FAM13A: variants seen among roughly 807,000 people sequenced by gnomAD.
FAM13A encodes protein FAM13A.
FAM13A carries 76 observed loss-of-function variants against 129.6 expected under a neutral mutation model. That is an observed-to-expected ratio of 0.59 (90% CI 0.49 to 0.71). FAM13A has a LOEUF of 0.71. Ranked by LOEUF, FAM13A falls within the 30% of genes least tolerant of loss-of-function variation. The pLI, the probability that FAM13A is intolerant of heterozygous loss-of-function variation, is 0.00. For missense variants in FAM13A, 1,108 were observed against 1,249.3 expected (o/e 0.89, Z 1.70); for synonymous variants, 443 against 449.9 (o/e 0.98, Z 0.20).
In FAM13A at chr4:88,728,401, C is replaced by A; in HGVS notation, c.*132G>T. ...AGGCAATGGAAACAGGAGCCGATGC[C>A]AAATGGTCTAGAGGCAGAAGGGCTG... On this transcript the variant is annotated 3_prime_UTR_variant, in exon 24 of 24. Transcript: ENST00000264344. The A allele has an allele frequency of 1.9e-6, 2 of 1,074,752 alleles. No individual in the cohort carries two copies. Among genetic ancestry groups the A allele is most frequent in the Admixed American group, 2.3e-5 (1 of 43,244 alleles). 66.6% of individuals were successfully genotyped at this position (1,074,752 alleles called of 1,614,324 possible).
At chr4:88,737,055 C>G (rs1739136276) in intron 21 of FAM13A, among the ~76,000 whole-genome samples, 1 of 152,016 alleles carries the variant, frequency 6.6e-6, no homozygotes, top group Non-Finnish European at 1.5e-5. Context: ...TTTCTATAAA[C>G]AGTATATGAG....
chr4:88,991,924 C>T (rs573386722), intron 3 of FAM13A, among the ~76,000 whole-genome samples: 1 of 152,204 alleles, frequency 6.6e-6, no homozygotes, highest in East Asian at 1.9e-4. Context: ...TATCTGATAA[C>T]CCTCCATATC....
intron 5 of FAM13A, among the ~76,000 whole-genome samples, chr4:88,930,196 T>C (rs1359087982): frequency 1.3e-5 from 2 of 152,184 alleles, no homozygotes; most frequent in Non-Finnish European, 2.9e-5. Context: ...AGGAATTTTG[T>C]TTTGATGGGG....
intron 1 of FAM13A, among the ~76,000 whole-genome samples, 158 bp downstream of exon 1, chr4:89,056,780 T>C (rs993387904): frequency 4.6e-5 from 7 of 152,192 alleles, no homozygotes; most frequent in Non-Finnish European, 7.3e-5. Context: ...TCCTGCCTAA[T>C]ACCCATTTAA....
Position 88,728,819 on chromosome 4 carries a change from T to A in FAM13A, c.2946-160A>T. On this transcript the variant is annotated intron_variant, in intron 23 of 23. Coordinates refer to ENST00000264344, the MANE Select transcript of FAM13A (RefSeq NM_014883.4). ...TTGGTCTCAAGACTGGGGCTGGATTTAGACAAGTAATGAAAATGTTTCACC... is the reference window on the plus strand; with the variant it reads ...TTGGTCTCAAGACTGGGGCTGGATTAAGACAAGTAATGAAAATGTTTCACC... The A allele has an allele frequency of 8.6e-6, 6 of 697,772 alleles. No homozygotes were observed. In the South Asian group the frequency reaches 1.0e-4, roughly 12 times the overall value. The allele number at this position is 697,772 out of a possible 1,614,324, so 43.2% of individuals were successfully genotyped here.
Position 88,881,471 on chromosome 4 carries a change from A to G in FAM13A, c.843+24908T>C, listed in dbSNP as rs373562898. ...AACACCCCATGGGAAAAAAGCATAT[A>G]AACAGCTGACCTTGAGCTCCAGATC... On this transcript the variant is annotated intron_variant, in intron 6 of 23. Coordinates refer to ENST00000264344, the MANE Select transcript of FAM13A (RefSeq NM_014883.4). 5.3e-5 allele frequency among the ~76,000 whole-genome samples: 8 copies of G among 152,268 alleles called. No individual in the cohort carries two copies. In the East Asian group the frequency reaches 1.2e-3, roughly 22 times the overall value.
chr4:88,870,498 G>C (rs150561231), intron 6 of FAM13A, among the ~76,000 whole-genome samples: 10 of 152,312 alleles, frequency 6.6e-5, no homozygotes, highest in Non-Finnish European at 1.5e-4. Flanking sequence ...GCCTGGCTTG[G>C]GGGGGGTCCC....
chr4:88,896,084 G>A (rs1283307923), intron 6 of FAM13A, among the ~76,000 whole-genome samples: 1 of 150,870 alleles, frequency 6.6e-6, no homozygotes, highest in Non-Finnish European at 1.5e-5. Context: ...GGAATACTAT[G>A]CAGCCATAAA....
At chr4:88,873,572 C>T (rs1460309338) in intron 6 of FAM13A, among the ~76,000 whole-genome samples, 6 of 152,130 alleles carry the variant, frequency 3.9e-5, no homozygotes, top group South Asian at 2.1e-4. Flanking sequence ...ACACATACAG[C>T]CTCCCAAGAC....
intron 14 of FAM13A, 40 bp downstream of exon 14, chr4:88,758,714 T>A: frequency 1.9e-6 from 3 of 1,589,224 alleles, no homozygotes. Context: ...TTATATATGC[T>A]TTAATGATAG....
At chr4:88,768,581 C>CAT (rs987738681) in intron 11 of FAM13A, among the ~76,000 whole-genome samples, 2 of 151,874 alleles carry the variant, frequency 1.3e-5, no homozygotes, top group Non-Finnish European at 2.9e-5. Context: ...TATGTATATA[C>CAT]ATATATATGC....
chr4:88,979,949 T>C (rs1438313211), intron 4 of FAM13A, among the ~76,000 whole-genome samples: 1 of 152,100 alleles, frequency 6.6e-6, no homozygotes, highest in Non-Finnish European at 1.5e-5. Context: ...CCAGCCTGGG[T>C]GACTCCAACT....
intron 1 of FAM13A, among the ~76,000 whole-genome samples, chr4:89,033,134 ACACT>A (rs1286168389): frequency 7.2e-6 from 1 of 138,558 alleles, no homozygotes; most frequent in African/African-American, 2.6e-5. Context: ...ACACACACAC[ACACT>A]CTCTCTCTCT....
intron 6 of FAM13A, among the ~76,000 whole-genome samples, chr4:88,854,213 T>A (rs1181263496): frequency 1.3e-5 from 2 of 152,178 alleles, no homozygotes; most frequent in Non-Finnish European, 2.9e-5. Context: ...TTATAAAACA[T>A]ATTCTAATCG....
chr4:88,861,161 A>G (rs1450450482), intron 6 of FAM13A, among the ~76,000 whole-genome samples: 1 of 151,990 alleles, frequency 6.6e-6, no homozygotes, highest in Non-Finnish European at 1.5e-5. Context: ...CGGGCAAATC[A>G]CCTGAGGTCA....
intron 14 of FAM13A, among the ~76,000 whole-genome samples, chr4:88,753,369 C>CA (rs1409187613): frequency 2.0e-5 from 3 of 152,160 alleles, no homozygotes; most frequent in Non-Finnish European, 4.4e-5. Context: ...TATTCTTGAT[C>CA]AGTTGCTTTA....
intron 5 of FAM13A, among the ~76,000 whole-genome samples, chr4:88,911,527 G>A (rs1017613704): frequency 3.3e-5 from 5 of 152,096 alleles, no homozygotes. Context: ...CAGAAACATC[G>A]GAGCAGAAGC....
At chr4:89,023,409 T>G (rs1349443885) in intron 2 of FAM13A, among the ~76,000 whole-genome samples, 1 of 152,168 alleles carries the variant, frequency 6.6e-6, no homozygotes, top group African/African-American at 2.4e-5. Context: ...AAATGCCCCT[T>G]AGATCTGATT....
chr4:88,967,837 G>C (rs947890684), intron 4 of FAM13A, among the ~76,000 whole-genome samples: 1 of 152,208 alleles, frequency 6.6e-6, no homozygotes, highest in Non-Finnish European at 1.5e-5. Context: ...GATGAAATCA[G>C]TTGATACTTG....
Sources: gnomAD v4.1 joint callset for allele counts (sites outside exome capture counted in the v4.1 genomes callset) on GRCh38, gnomAD v4.1.1 for gene constraint, MANE v1.5 for transcripts, NCBI Gene and HGNC (gene_info 2026-07-23, HGNC 2026-07-21) for gene names.